RANBP17: variants seen among roughly 807,000 people sequenced by gnomAD.
The protein encoded by RANBP17 is ran-binding protein 17.
A neutral mutation model predicts 141.2 loss-of-function variants in RANBP17; 158 were observed. That is an observed-to-expected ratio of 1.12 (90% CI 0.98 to 1.28). The LOEUF is 1.28. Ranked by LOEUF, RANBP17 falls within the 50% of genes most tolerant of loss-of-function variation. RANBP17 has a pLI of 0.00. For missense variants in RANBP17, 1,438 were observed against 1,290.7 expected, an observed-to-expected ratio of 1.11 and a Z score of -1.75; for synonymous variants, 430 against 450.0, an observed-to-expected ratio of 0.96 and a Z score of 0.56.
intron 14 of RANBP17, among the ~76,000 whole-genome samples, chr5:171,061,904 C>G (rs567081803): frequency 6.6e-6 from 1 of 152,210 alleles, no homozygotes; most frequent in Admixed American, 6.5e-5. Context: ...ATCCCTTTAC[C>G]ATTATGTAAT....
intron 12 of RANBP17, among the ~76,000 whole-genome samples, chr5:170,951,556 A>G (rs528962852): frequency 2.0e-5 from 3 of 152,274 alleles, no homozygotes; most frequent in South Asian, 4.1e-4. Context: ...CTAATGAGAC[A>G]TAAAGTAGCT....
chr5:171,289,678 G>C (rs1048140846), intron 25 of RANBP17, among the ~76,000 whole-genome samples: 2 of 152,166 alleles, frequency 1.3e-5, no homozygotes, highest in African/African-American at 4.8e-5. Flanking sequence ...CGAGGCTGCA[G>C]TGAGCCATGA....
intron 24 of RANBP17, among the ~76,000 whole-genome samples, chr5:171,249,886 G>C (rs1018997348): frequency 2.6e-5 from 4 of 152,140 alleles, no homozygotes; most frequent in Non-Finnish European, 5.9e-5. Context: ...AAGAAATGTA[G>C]ACATTCACAT....
Position 171,276,918 on chromosome 5 carries a change from TAAAAAAAA to T in RANBP17, c.2943+11090_2943+11097del, listed in dbSNP as rs149425836. On this transcript the variant is annotated intron_variant, in intron 25 of 27. Coordinates refer to ENST00000523189, the MANE Select transcript of RANBP17 (RefSeq NM_022897.5). ...TAAAAAGAATTCACTAAATGTATCT[TAAAAAAAA>T]AAAAAAAAAAAAAAAAAACCTCTGC... Among the ~76,000 whole-genome samples, 9 of 82,220 alleles carry T rather than the reference TAAAAAAAA, an allele frequency of 1.1e-4. No individual in the cohort carries two copies. The South Asian group carries it at 3.3e-3, about 30-fold the overall frequency. The allele number at this position is 82,220 out of a possible 152,430, so 53.9% of individuals were successfully genotyped here. A position where few individuals can be genotyped will look rare whatever the true frequency, so the allele number is the denominator to read the frequency against.
chr5:170,878,180 C>T lies in RANBP17; in HGVS notation c.102C>T (p.Leu34=), dbSNP rs759346928. ...LTQRIEAEKA[L]LELIDSPECL... ...AAAGAATAGAGGCTGAGAAAGCACTCTTGGAACTTATTGACAGTCCAGAAT... is the reference window on the plus strand; with the variant it reads ...AAAGAATAGAGGCTGAGAAAGCACTTTTGGAACTTATTGACAGTCCAGAAT... Residue 34 remains leucine (L), a synonymous_variant, in exon 2 of 28, where the codon CTC becomes CTT. Coordinates refer to ENST00000523189, the MANE Select transcript of RANBP17 (RefSeq NM_022897.5). 31 of 1,612,948 alleles carry T rather than the reference C, an allele frequency of 1.9e-5. No individual in the cohort carries two copies. The highest frequency in any genetic ancestry group is 2.5e-5 in the Non-Finnish European group (30 of 1,179,492).
chr5:171,214,845 C>T (rs77896040), intron 21 of RANBP17, among the ~76,000 whole-genome samples: 2 of 151,856 alleles, frequency 1.3e-5, no homozygotes, highest in East Asian at 3.9e-4. Context: ...AAAATCATTG[C>T]ATTGTATATT....
intron 1 of RANBP17, among the ~76,000 whole-genome samples, chr5:170,876,497 G>C (rs972829672): frequency 2.6e-5 from 4 of 152,168 alleles, no homozygotes; most frequent in African/African-American, 9.7e-5. Context: ...ATCTGGGTTT[G>C]TTTGGGCTAA....
chr5:171,165,267 C>T (rs1287569605), intron 14 of RANBP17, among the ~76,000 whole-genome samples: 1 of 152,114 alleles, frequency 6.6e-6, no homozygotes, highest in African/African-American at 2.4e-5. Context: ...CTGCAACCTC[C>T]GCCTTCTAGG....
rs1332215099 is a variant in RANBP17, at chr5:170,896,070, A to G, written c.444A>G (p.Ile148Met). The change falls in exon 5 of 28, where the codon ATA (isoleucine) becomes ATG (methionine). Residue 148 changes from isoleucine to methionine, a missense_variant. By Grantham distance (10) the Ile-to-Met change is conservative. Coordinates refer to ENST00000523189, the MANE Select transcript of RANBP17 (RefSeq NM_022897.5). Reference protein sequence around the residue: ...KFLQGTVEHCIIGVIILSELT... With the variant: ...KFLQGTVEHCMIGVIILSELT... ...CAAAGGGTACTGTGGAACACTGCAT[A>G]ATAGGAGTAATAATCCTTTCTGAAT... is the stretch of plus-strand genomic sequence containing the variant. 5 of 1,608,504 alleles carry G rather than the reference A, an allele frequency of 3.1e-6. No individual in the cohort carries two copies. The highest frequency in any genetic ancestry group is 3.4e-6 in the Non-Finnish European group (4 of 1,177,538).
intron 20 of RANBP17, chr5:171,206,754 A>C (rs1762602280): frequency 5.6e-6 from 1 of 178,894 alleles, no homozygotes; most frequent in Non-Finnish European, 1.2e-5. Flanking sequence ...TATTATAAAA[A>C]TTTTTAAACA....
Position 170,924,486 on chromosome 5 carries a change from A to C in RANBP17, c.1404A>C (p.Ala468=), listed in dbSNP as rs559275635. Residue 468 remains alanine, a synonymous_variant, in exon 12 of 28, where the codon GCA becomes GCC. Coordinates refer to ENST00000523189, the MANE Select transcript of RANBP17 (RefSeq NM_022897.5). ...TTGTGCAGTTATTCGACCAAAATGC[A>C]CAGAATTACCAAAAACTTCTGCATC... is the stretch of plus-strand genomic sequence containing the variant. ...ALLVQLFDQN[A]QNYQKLLHPY... 4 of 1,613,282 alleles carry C rather than the reference A, an allele frequency of 2.5e-6. No homozygotes were observed. The Admixed American group carries it at 6.7e-5, about 27-fold the overall frequency.
chr5:170,927,467 C>T (rs1227041908), intron 12 of RANBP17, among the ~76,000 whole-genome samples: 1 of 151,980 alleles, frequency 6.6e-6, no homozygotes, highest in Non-Finnish European at 1.5e-5. Flanking sequence ...TTTTTCTTAT[C>T]AGTGAGGTTG....
At chr5:170,862,730 C>T (rs181237643) in intron 1 of RANBP17, among the ~76,000 whole-genome samples, 1 of 152,092 alleles carries the variant, frequency 6.6e-6, no homozygotes, top group African/African-American at 2.4e-5. Flanking sequence ...CTTGTATATC[C>T]TCGGGCTGCT....
At chr5:171,260,958 A>G (rs1766273896) in intron 24 of RANBP17, among the ~76,000 whole-genome samples, 1 of 152,090 alleles carries the variant, frequency 6.6e-6, no homozygotes, top group Non-Finnish European at 1.5e-5. Flanking sequence ...AGAACAAAAG[A>G]GGATATGTTG....
At chr5:171,205,800 G>T (rs752776703) in intron 20 of RANBP17, 188 bp downstream of exon 20, 2 of 685,794 alleles carry the variant, frequency 2.9e-6, no homozygotes, top group Non-Finnish European at 5.3e-6. Flanking sequence ...TGGAGACCCA[G>T]CTCAGAGAAG....
At chr5:171,006,702 A>G (rs1336085509) in intron 14 of RANBP17, among the ~76,000 whole-genome samples, 1 of 151,980 alleles carries the variant, frequency 6.6e-6, no homozygotes, top group African/African-American at 2.4e-5. Context: ...ATATGTAACA[A>G]ATCTGCACAT....
intron 1 of RANBP17, among the ~76,000 whole-genome samples, chr5:170,874,336 C>CT (rs1333463440): frequency 5.9e-5 from 9 of 152,194 alleles, no homozygotes; most frequent in Non-Finnish European, 1.0e-4. Flanking sequence ...CTGTAGATAT[C>CT]TATCAGGTCC....
At chr5:171,291,468 G>A (rs968053184) in intron 25 of RANBP17, among the ~76,000 whole-genome samples, 25 of 152,292 alleles carry the variant, frequency 1.6e-4, no homozygotes, top group African/African-American at 4.8e-4. Context: ...CCCAGCTCAC[G>A]CAGCCATTCC....
At chr5:170,865,632 T>C (rs551708879) in intron 1 of RANBP17, among the ~76,000 whole-genome samples, 1 of 152,266 alleles carries the variant, frequency 6.6e-6, no homozygotes, top group South Asian at 2.1e-4. Flanking sequence ...TGAGTCTTTA[T>C]AGAAGAATAA....
Sources: allele counts gnomAD v4.1 joint callset (sites outside exome capture counted in the v4.1 genomes callset), GRCh38; gene constraint gnomAD v4.1.1; transcripts MANE v1.5; gene names NCBI Gene and HGNC (gene_info 2026-07-23, HGNC 2026-07-21).